Variants in VWA3A observed in about 807,000 individuals in gnomAD.
VWA3A encodes the protein von Willebrand factor A domain containing 3A.
A neutral mutation model predicts 160.4 loss-of-function variants in VWA3A; 134 were observed. The observed-to-expected ratio is 0.84, with a 90% CI of 0.73 to 0.96. VWA3A has a LOEUF of 0.96. Among genes scored for constraint, VWA3A ranks in the 40% least tolerant of loss-of-function variants. The pLI, the probability that VWA3A is intolerant of heterozygous loss-of-function variation, is 0.00. For missense variants in VWA3A, 1,310 were observed against 1,447.9 expected (o/e 0.90, Z 1.55); for synonymous variants, 476 against 543.4 (o/e 0.88, Z 1.72).
At position 22,156,059 on chromosome 16, in the gene VWA3A, C is replaced by T. The variant is rs1440255143; in HGVS notation, c.*42C>T. On this transcript the variant is annotated 3_prime_UTR_variant, in exon 34 of 34. Transcript: ENST00000389398. ...AAGTCATCCTGCAAAGGACCACTCACTGAGCAAATCTCAGCCCCGAGGGCA... is the reference window on the plus strand; with the variant it reads ...AAGTCATCCTGCAAAGGACCACTCATTGAGCAAATCTCAGCCCCGAGGGCA... 1.2e-5 allele frequency: 10 copies of T among 869,106 alleles called. No homozygotes were observed. Among genetic ancestry groups the T allele is most frequent in the South Asian group, 1.8e-5 (1 of 56,420 alleles). 53.8% of individuals were successfully genotyped at this position (869,106 alleles called of 1,614,324 possible).
Position 22,145,588 on chromosome 16 carries a change from G to A in VWA3A, c.2731-648G>A, listed in dbSNP as rs1286601493. 3.3e-5 allele frequency among the ~76,000 whole-genome samples: 5 copies of A among 150,180 alleles called. No homozygotes were observed. The South Asian group carries it at 6.3e-4, about 19-fold the overall frequency. On this transcript the variant is annotated intron_variant, in intron 26 of 33. Coordinates refer to ENST00000389398, the MANE Select transcript of VWA3A (RefSeq NM_173615.5). ...CGGGAGGCAGAGGCTGAAGTGAGCC[G>A]AGATCGCACCACTGCACTACACAGC...
rs1195817339 is a variant in VWA3A, at chr16:22,134,386, A to T, written c.2087A>T (p.Asp696Val). 1 of 1,599,772 alleles carries T rather than the reference A, an allele frequency of 6.3e-7. No homozygotes were observed. Among genetic ancestry groups the T allele is most frequent in the Admixed American group, 1.7e-5 (1 of 58,108 alleles). ...FGDTGIYESD[D>V]INSIMSEMEK... is the part of the protein sequence containing the mutation. ...TTTCCAGGCATTTATGAGAGCGATG[A>T]CATCAACTCCATCATGTCTGAGATG... Residue 696 changes from aspartate to valine, a missense_variant, in exon 21 of 34, where the codon GAC becomes GTC. Transcript: ENST00000389398.
chr16:22,133,245 C>T, intron 20 of VWA3A, 150 bp downstream of exon 20: 1 of 903,802 alleles, frequency 1.1e-6, no homozygotes, highest in Non-Finnish European at 1.7e-6. Context: ...AGATAGATAG[C>T]AGTGATGGTT....
At chr16:22,147,751 C>T (rs911609344) in intron 27 of VWA3A, 15 of 688,278 alleles carry the variant, frequency 2.2e-5, no homozygotes, top group East Asian at 2.2e-4. Flanking sequence ...AGAGATCCAG[C>T]GATTTCTTTT....
chr16:22,152,412 T>C (rs1598113950), intron 30 of VWA3A, 99 bp from the exon 31 acceptor site: 2 of 1,484,172 alleles, frequency 1.3e-6, no homozygotes, highest in East Asian at 4.8e-5. Flanking sequence ...CTGATTTCTC[T>C]TAAGCCCCAC....
At chr16:22,111,995 C>G (rs1368932206) in intron 8 of VWA3A, among the ~76,000 whole-genome samples, 1 of 152,200 alleles carries the variant, frequency 6.6e-6, no homozygotes, top group Non-Finnish European at 1.5e-5. Flanking sequence ...CTAATTTTCA[C>G]ATAAATAGGA....
chr16:22,093,008 C>G (rs1901389554), intron 1 of VWA3A, among the ~76,000 whole-genome samples: 1 of 151,956 alleles, frequency 6.6e-6, no homozygotes, highest in African/African-American at 2.4e-5. Context: ...TCCCTTGGAC[C>G]AAAATGCCAT....
chr16:22,134,549 A>C, intron 21 of VWA3A, 111 bp downstream of exon 21: 3 of 897,814 alleles, frequency 3.3e-6, no homozygotes, highest in Non-Finnish European at 5.0e-6. Context: ...TGATTCTCTC[A>C]CTTCCAGAGG....
At chr16:22,115,531 C>G in intron 9 of VWA3A, 59 bp downstream of exon 9, 1 of 1,523,278 alleles carries the variant, frequency 6.6e-7, no homozygotes, top group African/African-American at 1.4e-5. Flanking sequence ...AAAACCAAAC[C>G]ACTTTTTGAG....
intron 10 of VWA3A, 43 bp downstream of exon 10, chr16:22,116,910 G>T: frequency 6.3e-7 from 1 of 1,582,540 alleles, no homozygotes; most frequent in Non-Finnish European, 8.7e-7. Flanking sequence ...GGCTTTGGTG[G>T]TAGTGAGCTG....
intron 1 of VWA3A, 102 bp downstream of exon 1, chr16:22,092,753 G>T: frequency 2.8e-6 from 4 of 1,448,826 alleles, no homozygotes; most frequent in Non-Finnish European, 2.8e-6. Flanking sequence ...GGAGCTTGGG[G>T]TGTGAAGTGT....
rs546715795 is a variant in VWA3A at position 22,155,478 on chromosome 16, C to T, written c.3406-89C>T. ...TTCCTGCACTGGATGGAAACCAGAA[C>T]GTGATTAGCTCTAAAATGCTTTTCC... On this transcript the variant is annotated intron_variant, in intron 31 of 33. Transcript: ENST00000389398. The T allele has an allele frequency of 4.0e-5, 46 of 1,159,208 alleles. No homozygotes were observed. The East Asian group carries it at 4.7e-4, about 12-fold the overall frequency. 71.8% of individuals were successfully genotyped at this position (1,159,208 alleles called of 1,614,324 possible).
chr16:22,123,022 C>T, intron 14 of VWA3A, 63 bp from the exon 15 acceptor site: 1 of 1,419,378 alleles, frequency 7.0e-7, no homozygotes, highest in Admixed American at 2.0e-5. Flanking sequence ...AGAACCAGTG[C>T]CCAAATTAAA....
chr16:22,139,678 G>A (rs1689062301), intron 22 of VWA3A, among the ~76,000 whole-genome samples: 1 of 152,064 alleles, frequency 6.6e-6, no homozygotes, highest in African/African-American at 2.4e-5. Flanking sequence ...CTGGGTGACA[G>A]AGCCAGACTC....
intron 11 of VWA3A, among the ~76,000 whole-genome samples, chr16:22,118,249 C>T (rs2045676887): frequency 6.6e-6 from 1 of 152,118 alleles, no homozygotes; most frequent in South Asian, 2.1e-4. Flanking sequence ...CCACTGCACT[C>T]TAGCCTGAGT....
At chr16:22,133,564 C>T (rs764482361) in intron 20 of VWA3A, among the ~76,000 whole-genome samples, 3 of 149,862 alleles carry the variant, frequency 2.0e-5, no homozygotes, top group African/African-American at 4.9e-5. Flanking sequence ...ACAAGAAAAT[C>T]GCTTGAACCC....
At chr16:22,138,636 C>CT in intron 22 of VWA3A, 124 bp downstream of exon 22, 1 of 1,300,698 alleles carries the variant, frequency 7.7e-7, no homozygotes, top group South Asian at 1.5e-5. Flanking sequence ...GGTGAGTGTC[C>CT]TGTGGGTGCC....
intron 20 of VWA3A, 133 bp downstream of exon 20, chr16:22,133,228 C>G (rs1437372506): frequency 2.9e-6 from 3 of 1,039,828 alleles, no homozygotes; most frequent in Non-Finnish European, 2.8e-6. Context: ...TAAAACTGTT[C>G]CTCTGAAGAT....
chr16:22,142,729 C>T lies in VWA3A; in HGVS notation c.2556C>T (p.Asp852=). 6.3e-7 allele frequency: 1 copy of T among 1,575,552 alleles called. No individual in the cohort carries two copies. Among genetic ancestry groups the T allele is most frequent in the Non-Finnish European group, 8.6e-7 (1 of 1,159,718 alleles). ...RGLRRTSSSI[D]LPRKDTVCSS... ...TGAGAAGGACTAGCTCTTCTATTGA[C>T]TTACCCAGAAAGGATACAGTTTGCT... is the stretch of plus-strand genomic sequence containing the variant. The change falls in exon 25 of 34, where the codon GAC becomes GAT. Residue 852 remains aspartate (D), a synonymous_variant. Coordinates refer to ENST00000389398, the MANE Select transcript of VWA3A (RefSeq NM_173615.5).
Sources: allele counts gnomAD v4.1 joint callset (sites outside exome capture counted in the v4.1 genomes callset), GRCh38; gene constraint gnomAD v4.1.1; transcripts MANE v1.5; gene names NCBI Gene and HGNC (gene_info 2026-07-23, HGNC 2026-07-21).